The following RASGRF2 variants were observed in gnomAD, a reference collection of about 807,000 sequenced individuals.
RASGRF2 encodes Ras protein specific guanine nucleotide releasing factor 2, also known as ras-specific guanine nucleotide-releasing factor 2.
A neutral mutation model predicts 151.0 loss-of-function variants in RASGRF2; 76 were observed. The ratio of observed to expected loss-of-function variants is 0.50; its 90% CI spans 0.42 to 0.61. The LOEUF is 0.61. Ranked by LOEUF, RASGRF2 falls within the 20% of genes least tolerant of loss-of-function variation. The pLI, the probability that RASGRF2 is intolerant of heterozygous loss-of-function variation, is 0.00. For missense variants in RASGRF2, 1,148 were observed against 1,564.6 expected (o/e 0.73, Z 4.49); for synonymous variants, 504 against 566.5 (o/e 0.89, Z 1.57).
intron 2 of RASGRF2, among the ~76,000 whole-genome samples, chr5:81,064,004 A>G (rs887099820): frequency 1.3e-5 from 2 of 152,214 alleles, no homozygotes; most frequent in Non-Finnish European, 2.9e-5. Flanking sequence ...TTTTAAAACA[A>G]TAAACAATTT....
chr5:81,010,891 G>A (rs1749437477), intron 1 of RASGRF2, among the ~76,000 whole-genome samples: 1 of 152,120 alleles, frequency 6.6e-6, no homozygotes, highest in East Asian at 1.9e-4. Flanking sequence ...GTAACTCATT[G>A]TATATTTTTC....
chr5:81,070,106 C>T (rs1751727505), intron 3 of RASGRF2: 2 of 195,636 alleles, frequency 1.0e-5, no homozygotes, highest in African/African-American at 4.6e-5. Flanking sequence ...GGGCTCTGAG[C>T]TGAGTGTCAC....
chr5:80,961,528 T>C (rs1306879582), intron 1 of RASGRF2, among the ~76,000 whole-genome samples: 1 of 152,206 alleles, frequency 6.6e-6, no homozygotes, highest in Non-Finnish European at 1.5e-5. Context: ...GGACAGACAC[T>C]TTCTGTTGGT....
chr5:81,069,936 T>G (rs947347762), intron 3 of RASGRF2: 1 of 154,350 alleles, frequency 6.5e-6, no homozygotes, highest in African/African-American at 2.4e-5. Flanking sequence ...GATCCCAGGT[T>G]AGTTTGATCC....
intron 16 of RASGRF2, among the ~76,000 whole-genome samples, chr5:81,124,885 A>G (rs531614521): frequency 1.2e-4 from 18 of 151,530 alleles, no homozygotes; most frequent in Non-Finnish European, 5.9e-5. Context: ...CCCAAATGAA[A>G]AGGCTTTTTT....
At chr5:81,067,517 A>G (rs149693718) in intron 2 of RASGRF2, among the ~76,000 whole-genome samples, 1 of 152,220 alleles carries the variant, frequency 6.6e-6, no homozygotes, top group African/African-American at 2.4e-5. Context: ...TGCAGTCTTA[A>G]AGAGAGCCCA....
intron 1 of RASGRF2, among the ~76,000 whole-genome samples, chr5:81,042,544 A>C (rs1384980888): frequency 6.6e-6 from 1 of 152,250 alleles, no homozygotes; most frequent in Non-Finnish European, 1.5e-5. Flanking sequence ...ACCACAAAAA[A>C]GGAAAACCTT....
intron 17 of RASGRF2, among the ~76,000 whole-genome samples, chr5:81,165,780 C>T (rs1412662954): frequency 6.6e-6 from 1 of 152,078 alleles, no homozygotes; most frequent in Non-Finnish European, 1.5e-5. Context: ...TGCCCACTCT[C>T]TTCATGGCCA....
rs574529210 is a variant in RASGRF2, at chr5:80,991,285, T to C, written c.288+30259T>C. Among the ~76,000 whole-genome samples, 116 of 152,222 alleles carry C rather than the reference T, an allele frequency of 7.6e-4. 3 individuals are homozygous for C. In the South Asian group the frequency reaches 0.023, roughly 30 times the overall value. ...ACCAGCCTGGGCAACATGGTGAAAC[T>C]GCATCTCTACAGAAAAGTGTGTGTG... On this transcript the variant is annotated intron_variant, in intron 1 of 26. Transcript: ENST00000265080.
chr5:81,010,840 C>A (rs550066224), intron 1 of RASGRF2, among the ~76,000 whole-genome samples: 1 of 152,296 alleles, frequency 6.6e-6, no homozygotes, highest in South Asian at 2.1e-4. Flanking sequence ...ACATGTCCAC[C>A]AGATGTGCTT....
chr5:80,977,229 C>T (rs1748148769), intron 1 of RASGRF2, among the ~76,000 whole-genome samples: 1 of 152,128 alleles, frequency 6.6e-6, no homozygotes, highest in African/African-American at 2.4e-5. Flanking sequence ...CATGGCATTC[C>T]ATTTGGATGA....
chr5:80,962,910 G>A (rs1747610039), intron 1 of RASGRF2, among the ~76,000 whole-genome samples: 1 of 152,184 alleles, frequency 6.6e-6, no homozygotes, highest in South Asian at 2.1e-4. Flanking sequence ...ATCTTCAAGA[G>A]GTTAGAAATT....
intron 15 of RASGRF2, 114 bp from the exon 16 acceptor site, chr5:81,123,527 GC>G: frequency 8.1e-7 from 1 of 1,236,214 alleles, no homozygotes; most frequent in East Asian, 2.4e-5. Context: ...TCATATTAAA[GC>G]CCTTTAATGA....
At chr5:81,080,529 T>C in intron 6 of RASGRF2, 67 bp from the exon 7 acceptor site, 1 of 1,476,646 alleles carries the variant, frequency 6.8e-7, no homozygotes, top group Non-Finnish European at 9.3e-7. Flanking sequence ...CTCTTTGCCA[T>C]TCCTGCCCAG....
In RASGRF2 at chr5:81,080,765, A is replaced by G. The variant is rs745718751; in HGVS notation, c.1137A>G (p.Thr379=). 3.1e-6 allele frequency: 5 copies of G among 1,613,826 alleles called. No homozygotes were observed. The highest frequency in any genetic ancestry group is 4.2e-6 in the Non-Finnish European group (5 of 1,179,940). The change falls in exon 7 of 27, where the codon ACA becomes ACG. Residue 379 remains threonine (T), a synonymous_variant. Transcript: ENST00000265080. ...CCTGTGAGGGGAGGATGCTGGAGAC[A>G]TTCTTGACCTATCCCATGTTTCAGG... ...NPACEGRMLE[T]FLTYPMFQIP...
chr5:81,138,231 T>G (rs1338292751), intron 17 of RASGRF2, among the ~76,000 whole-genome samples: 1 of 152,192 alleles, frequency 6.6e-6, no homozygotes, highest in Non-Finnish European at 1.5e-5. Flanking sequence ...ACTGGCATCT[T>G]GAAGCTGTGA....
chr5:81,069,809 G>A (rs1751718898), intron 3 of RASGRF2, among the ~76,000 whole-genome samples: 1 of 152,220 alleles, frequency 6.6e-6, no homozygotes, highest in African/African-American at 2.4e-5. Flanking sequence ...TCTTAAGCTT[G>A]TAAGAGCCTG....
intron 2 of RASGRF2, among the ~76,000 whole-genome samples, chr5:81,055,753 C>G (rs2112424413): frequency 6.6e-6 from 1 of 152,250 alleles, no homozygotes; most frequent in South Asian, 2.1e-4. Context: ...GTGAATCTGT[C>G]TGGTCCTGGA....
intron 1 of RASGRF2, among the ~76,000 whole-genome samples, chr5:80,977,173 C>A (rs1019630363): frequency 3.9e-5 from 6 of 152,278 alleles, no homozygotes; most frequent in African/African-American, 1.4e-4. Flanking sequence ...AGTCCATCCT[C>A]CTTCCTGTTT....
Sources: gnomAD v4.1 joint callset for allele counts (sites outside exome capture counted in the v4.1 genomes callset) on GRCh38, gnomAD v4.1.1 for gene constraint, MANE v1.5 for transcripts, NCBI Gene and HGNC (gene_info 2026-07-23, HGNC 2026-07-21) for gene names.